COL24A1: variants seen among roughly 807,000 people sequenced by gnomAD.
COL24A1 encodes collagen type XXIV alpha 1 chain.
A neutral mutation model predicts 253.9 loss-of-function variants in COL24A1; 224 were observed. That is an observed-to-expected ratio of 0.88 (90% CI 0.79 to 0.99). The LOEUF (loss-of-function observed/expected upper bound fraction) is 0.99. Ranked by LOEUF, COL24A1 falls within the 50% of genes least tolerant of loss-of-function variation. The pLI is 0.00. For missense variants in COL24A1, 2,131 were observed against 2,068.5 expected (o/e 1.03, Z -0.59); for synonymous variants, 685 against 673.7 (o/e 1.02, Z -0.26).
intron 42 of COL24A1, 106 bp downstream of exon 42, chr1:85,841,116 A>G: frequency 1.2e-6 from 1 of 804,802 alleles, no homozygotes; most frequent in Non-Finnish European, 2.0e-6. Flanking sequence ...CATGTTATAA[A>G]ACTAACAAAA....
chr1:85,941,809 C>T (rs2103189104), intron 24 of COL24A1, among the ~76,000 whole-genome samples: 1 of 152,200 alleles, frequency 6.6e-6, no homozygotes, highest in South Asian at 2.1e-4. Flanking sequence ...TTTAAACTTA[C>T]TTGATCTTCT....
Position 86,094,032 on chromosome 1 carries a change from C to A in COL24A1, c.1600-1712G>T, listed in dbSNP as rs1703710992. ...GCGGAGAAAAAGAAATGCTTATACACTGTTGGTGGGAGTATAAATCAGTTC... is the reference window on the plus strand; with the variant it reads ...GCGGAGAAAAAGAAATGCTTATACAATGTTGGTGGGAGTATAAATCAGTTC... On this transcript the variant is annotated intron_variant, in intron 5 of 59. Transcript: ENST00000370571. 2.0e-5 allele frequency among the ~76,000 whole-genome samples: 3 copies of A among 152,266 alleles called. No individual in the cohort carries two copies. In the South Asian group the frequency reaches 6.2e-4, roughly 32 times the overall value.
chr1:85,842,209 C>A, intron 40 of COL24A1, 88 bp from the exon 41 acceptor site: 1 of 1,424,350 alleles, frequency 7.0e-7, no homozygotes, highest in Non-Finnish European at 9.9e-7. Flanking sequence ...GATTCACTGT[C>A]TAGGAGGATG....
intron 35 of COL24A1, among the ~76,000 whole-genome samples, chr1:85,872,100 T>C (rs1680578381): frequency 6.6e-6 from 1 of 152,050 alleles, no homozygotes; most frequent in Non-Finnish European, 1.5e-5. Context: ...CACAATTGCT[T>C]CAAAGAGAAT....
At chr1:85,827,013 A>G (rs946312434) in intron 43 of COL24A1, among the ~76,000 whole-genome samples, 2 of 151,314 alleles carry the variant, frequency 1.3e-5, no homozygotes, top group Non-Finnish European at 3.0e-5. Context: ...CAGTTTTCAA[A>G]GGGAATGCTT....
At chr1:85,785,563 C>T (rs1176073863) in intron 48 of COL24A1, among the ~76,000 whole-genome samples, 1 of 152,176 alleles carries the variant, frequency 6.6e-6, no homozygotes, top group African/African-American at 2.4e-5. Context: ...CTGGCTTTAG[C>T]ATTTGCTTAG....
chr1:86,058,639 G>C (rs981385478), intron 9 of COL24A1, among the ~76,000 whole-genome samples: 1 of 151,638 alleles, frequency 6.6e-6, no homozygotes, highest in Non-Finnish European at 1.5e-5. Flanking sequence ...AATTATAAGG[G>C]AATACATTTA....
At chr1:85,998,544 A>G (rs1695084005) in intron 19 of COL24A1, among the ~76,000 whole-genome samples, 1 of 152,162 alleles carries the variant, frequency 6.6e-6, no homozygotes. Flanking sequence ...TGTACCTCCA[A>G]TATTTAACTT....
At chr1:85,995,504 T>C (rs1694695828) in intron 19 of COL24A1, among the ~76,000 whole-genome samples, 1 of 152,192 alleles carries the variant, frequency 6.6e-6, no homozygotes, top group Non-Finnish European at 1.5e-5. Flanking sequence ...AAAAATAAAC[T>C]ATTCTGGCCA....
At chr1:85,768,429 C>T (rs552679001) in intron 53 of COL24A1, among the ~76,000 whole-genome samples, 4 of 151,964 alleles carry the variant, frequency 2.6e-5, no homozygotes, top group South Asian at 2.1e-4. Context: ...GTGGAAGAAA[C>T]GACAAGAAAC....
intron 37 of COL24A1, among the ~76,000 whole-genome samples, chr1:85,865,054 A>C (rs7520948): frequency 0.19 from 29,147 of 151,922 alleles, 3,174 homozygotes; most frequent in Non-Finnish European, 0.24. Context: ...AAGAAATCTA[A>C]CTCCTGGATT....
intron 7 of COL24A1, among the ~76,000 whole-genome samples, 169 bp from the exon 8 acceptor site, chr1:86,063,928 A>G (rs1701293545): frequency 6.6e-6 from 1 of 151,838 alleles, no homozygotes; most frequent in Non-Finnish European, 1.5e-5. Context: ...TTATTTAATA[A>G]GAATTACTTT....
Position 86,094,625 on chromosome 1 carries a change from A to AT in COL24A1, c.1600-2306dup, listed in dbSNP as rs977854708. 8.4e-3 allele frequency among the ~76,000 whole-genome samples: 1,239 copies of AT among 148,360 alleles called. 21 individuals carry two copies. The highest frequency in any genetic ancestry group is 0.029 in the African/African-American group (1,163 of 40,748). On this transcript the variant is annotated intron_variant, in intron 5 of 59. Coordinates refer to ENST00000370571, the MANE Select transcript of COL24A1 (RefSeq NM_152890.7). ...TTGCACATGTACCCCTGAACTTCAA[A>AT]TTTTTTTTTTTCTATAAGGAAAGTT...
At chr1:86,032,970 G>A (rs1698699018) in intron 13 of COL24A1, among the ~76,000 whole-genome samples, 1 of 152,066 alleles carries the variant, frequency 6.6e-6, no homozygotes. Flanking sequence ...CTTGAAATGG[G>A]AAGCTCCTCA....
chr1:85,908,527 G>T, intron 27 of COL24A1, 71 bp downstream of exon 27: 3 of 859,344 alleles, frequency 3.5e-6, no homozygotes, highest in Non-Finnish European at 5.3e-6. Flanking sequence ...CAACAATAAA[G>T]CATAACAATT....
At chr1:86,086,813 G>A (rs984788344) in intron 7 of COL24A1, among the ~76,000 whole-genome samples, 1 of 152,134 alleles carries the variant, frequency 6.6e-6, no homozygotes, top group South Asian at 2.1e-4. Context: ...CCAAGCCTGC[G>A]AAGTGGAGAA....
intron 31 of COL24A1, among the ~76,000 whole-genome samples, chr1:85,892,033 A>G (rs767448273): frequency 7.2e-5 from 11 of 152,328 alleles, no homozygotes; most frequent in Non-Finnish European, 1.5e-4. Flanking sequence ...AGCCTGTGCC[A>G]GGAACATAAT....
intron 52 of COL24A1, among the ~76,000 whole-genome samples, chr1:85,778,517 A>T (rs902884368): frequency 1.3e-5 from 2 of 152,160 alleles, no homozygotes; most frequent in African/African-American, 4.8e-5. Context: ...AATGAAAAAA[A>T]AATTTCAAGT....
intron 24 of COL24A1, among the ~76,000 whole-genome samples, chr1:85,946,893 A>G (rs1056186631): frequency 2.0e-5 from 3 of 152,222 alleles, no homozygotes; most frequent in African/African-American, 4.8e-5. Context: ...TGTTCTATAT[A>G]TACACCGACT....
Sources: gnomAD v4.1 joint callset for allele counts (sites outside exome capture counted in the v4.1 genomes callset) on GRCh38, gnomAD v4.1.1 for gene constraint, MANE v1.5 for transcripts, NCBI Gene and HGNC (gene_info 2026-07-23, HGNC 2026-07-21) for gene names.